Variants in COL26A1 observed in about 807,000 individuals in gnomAD.
COL26A1 encodes the protein collagen alpha-1(XXVI) chain.
Under a neutral mutation model 59.3 loss-of-function variants are expected in COL26A1, and 41 were observed. The observed-to-expected ratio is 0.69, with a 90% CI of 0.54 to 0.90. The LOEUF is 0.90. COL26A1 is among the 40% of genes least tolerant of loss of function. The pLI, the probability that COL26A1 is intolerant of heterozygous loss-of-function variation, is 0.00. For synonymous variants in COL26A1, 266 were observed against 256.0 expected (o/e 1.04, Z -0.37); for missense variants, 612 against 602.3 (o/e 1.02, Z -0.17).
At chr7:101,383,186 C>T (rs1791487249) in intron 1 of COL26A1, among the ~76,000 whole-genome samples, 2 of 152,060 alleles carry the variant, frequency 1.3e-5, no homozygotes, top group Admixed American at 1.3e-4. Flanking sequence ...TCTTTTGTTC[C>T]TTGCCATTTA....
chr7:101,517,140 G>T (rs573210978), intron 3 of COL26A1, among the ~76,000 whole-genome samples: 1 of 151,942 alleles, frequency 6.6e-6, no homozygotes, highest in African/African-American at 2.4e-5. Flanking sequence ...CCCATCTCCC[G>T]CCTGAGCTGA....
rs1792492469 is a variant in COL26A1, at chr7:101,420,652, TTGCCCCTCACCAGCTC to T, written c.281+561_281+576del. ...TTCACCAGCCCTGCCCCCACCAGCC[TTGCCCCTCACCAGCTC>T]TGCCCCTACCAGCCACGCCCCTCAC... is the stretch of plus-strand genomic sequence containing the variant. On this transcript the variant is annotated intron_variant, in intron 2 of 12. Coordinates refer to ENST00000313669, the MANE Select transcript of COL26A1 (RefSeq NM_001278563.3). Among the ~76,000 whole-genome samples, 9 of 85,950 alleles carry T rather than the reference TTGCCCCTCACCAGCTC, an allele frequency of 1.0e-4. No individual in the cohort carries two copies. In the South Asian group the frequency reaches 3.4e-3, roughly 33 times the overall value. 56.4% of individuals were successfully genotyped at this position (85,950 alleles called of 152,430 possible). A position where few individuals can be genotyped will look rare whatever the true frequency, so the allele number is the denominator to read the frequency against.
In COL26A1 at chr7:101,492,747, T is replaced by TA. The variant is rs1306289780; in HGVS notation, c.386-40333dup. 2.2e-5 allele frequency among the ~76,000 whole-genome samples: 3 copies of TA among 138,218 alleles called. No individual in the cohort carries two copies. The East Asian group carries it at 6.2e-4, about 29-fold the overall frequency. The allele number at this position is 138,218 out of a possible 152,430, so 90.7% of individuals were successfully genotyped here. ...ATAAATAAATAAATAAATAAATAAA[T>TA]AATAAAAATAGAGATGGGGTCTTGT... On this transcript the variant is annotated intron_variant, in intron 3 of 12. Transcript: ENST00000313669.
At chr7:101,395,153 A>T (rs1411990261) in intron 1 of COL26A1, among the ~76,000 whole-genome samples, 1 of 152,016 alleles carries the variant, frequency 6.6e-6, no homozygotes, top group Non-Finnish European at 1.5e-5. Context: ...GATTGCGGGC[A>T]TGAGCCACCG....
chr7:101,457,072 A>G (rs143302493), intron 3 of COL26A1, among the ~76,000 whole-genome samples: 1 of 152,222 alleles, frequency 6.6e-6, no homozygotes, highest in African/African-American at 2.4e-5. Flanking sequence ...TTTTTCAAGG[A>G]TAGTTTAATG....
intron 3 of COL26A1, among the ~76,000 whole-genome samples, chr7:101,502,297 G>A (rs1012404232): frequency 2.6e-5 from 4 of 152,114 alleles, no homozygotes; most frequent in East Asian, 3.8e-4. Flanking sequence ...AGCCGAGATC[G>A]CACCACTGCA....
chr7:101,544,112 A>G lies in COL26A1; in HGVS notation c.703+16A>G, dbSNP rs555940906. The G allele has an allele frequency of 9.5e-6, 15 of 1,578,648 alleles. No individual in the cohort carries two copies. In the South Asian group the frequency reaches 1.4e-4, roughly 15 times the overall value. On this transcript the variant is annotated intron_variant, in intron 6 of 12. Transcript: ENST00000313669. ...GGGCCGCCTGGTAAGAAAACCCCCC[A>G]CATATGTGATGTTGTCAACCTGCGG...
intron 1 of COL26A1, among the ~76,000 whole-genome samples, chr7:101,381,343 CTT>C (rs72273349): frequency 0.012 from 1,824 of 152,286 alleles, 36 homozygotes; most frequent in African/African-American, 0.042. Context: ...CTGCCTCTCT[CTT>C]GTATGGACCT....
chr7:101,475,579 C>T (rs1463354731), intron 3 of COL26A1, among the ~76,000 whole-genome samples: 1 of 151,882 alleles, frequency 6.6e-6, no homozygotes, highest in African/African-American at 2.4e-5. Flanking sequence ...GATTTCAGGG[C>T]CACTAAGTTA....
chr7:101,409,523 G>A (rs1279569497), intron 1 of COL26A1, among the ~76,000 whole-genome samples: 3 of 152,180 alleles, frequency 2.0e-5, no homozygotes, highest in Admixed American at 6.5e-5. Flanking sequence ...CCATGCCACC[G>A]ACTGGGTGGC....
chr7:101,526,296 A>G (rs1486567583), intron 3 of COL26A1, among the ~76,000 whole-genome samples: 2 of 151,858 alleles, frequency 1.3e-5, no homozygotes, highest in Non-Finnish European at 2.9e-5. Flanking sequence ...TGATCCACCC[A>G]CCTCAACTGC....
At chr7:101,525,538 C>A (rs1795227062) in intron 3 of COL26A1, among the ~76,000 whole-genome samples, 2 of 149,922 alleles carry the variant, frequency 1.3e-5, no homozygotes, top group East Asian at 3.9e-4. Context: ...TCTCTGTCAC[C>A]CAGGCTGGAG....
At chr7:101,448,315 C>G (rs1364483992) in intron 3 of COL26A1, among the ~76,000 whole-genome samples, 1 of 152,142 alleles carries the variant, frequency 6.6e-6, no homozygotes, top group Non-Finnish European at 1.5e-5. Flanking sequence ...GCTCTGGAGC[C>G]TGAGAGGGTC....
chr7:101,511,683 C>T (rs1794928950), intron 3 of COL26A1, among the ~76,000 whole-genome samples: 1 of 152,138 alleles, frequency 6.6e-6, no homozygotes, highest in African/African-American at 2.4e-5. Flanking sequence ...AAAAAGGGGC[C>T]CATCAGAAGT....
intron 1 of COL26A1, among the ~76,000 whole-genome samples, chr7:101,410,480 G>A (rs1236405682): frequency 2.0e-5 from 3 of 152,188 alleles, no homozygotes; most frequent in African/African-American, 7.2e-5. Flanking sequence ...GACTAGGAGA[G>A]GAAGGTAGTG....
intron 1 of COL26A1, among the ~76,000 whole-genome samples, chr7:101,392,856 C>A (rs566237819): frequency 3.9e-5 from 6 of 152,174 alleles, no homozygotes; most frequent in African/African-American, 1.4e-4. Flanking sequence ...GGGCTTGCCA[C>A]GGGTGGGACG....
chr7:101,380,814 G>C (rs1224932987), intron 1 of COL26A1, among the ~76,000 whole-genome samples: 1 of 152,150 alleles, frequency 6.6e-6, no homozygotes, highest in African/African-American at 2.4e-5. Flanking sequence ...AGCTCTTAGA[G>C]CTAGCTCTCT....
At chr7:101,531,714 C>G (rs1795372375) in intron 3 of COL26A1, among the ~76,000 whole-genome samples, 1 of 152,064 alleles carries the variant, frequency 6.6e-6, no homozygotes, top group African/African-American at 2.4e-5. Context: ...CCTGAGACTC[C>G]CCCCAACTCC....
rs549513101 is a variant in COL26A1, at chr7:101,440,302, G to C, written c.282-7382G>C. 1.6e-4 allele frequency among the ~76,000 whole-genome samples: 19 copies of C among 117,378 alleles called. 1 individual carries two copies. Among genetic ancestry groups the C allele is most frequent in the Middle Eastern group, 0.011 (2 of 186 alleles). 77.0% of individuals were successfully genotyped at this position (117,378 alleles called of 152,430 possible). On this transcript the variant is annotated intron_variant, in intron 2 of 12. Transcript: ENST00000313669. Reference sequence around the variant, plus strand: ...AATCGCTTGAACCCGGGAGGTGAAGGCTGCAGGGAGCTGAGATCGCGTCAC... The same window carrying C: ...AATCGCTTGAACCCGGGAGGTGAAGCCTGCAGGGAGCTGAGATCGCGTCAC...
Sources: allele counts gnomAD v4.1 joint callset (sites outside exome capture counted in the v4.1 genomes callset), GRCh38; gene constraint gnomAD v4.1.1; transcripts MANE v1.5; gene names NCBI Gene and HGNC (gene_info 2026-07-23, HGNC 2026-07-21).